The following KIF2A variants were observed in gnomAD, a reference collection of about 807,000 sequenced individuals.
KIF2A encodes kinesin-like protein KIF2A.
KIF2A carries 22 observed loss-of-function variants against 100.2 expected under a neutral mutation model. The observed-to-expected ratio is 0.22, with a 90% CI of 0.16 to 0.31. The LOEUF (loss-of-function observed/expected upper bound fraction) is 0.31, where lower values mean the gene tolerates loss of function less well. Ranked by LOEUF, KIF2A falls within the 10% of genes least tolerant of loss-of-function variation. KIF2A has a pLI of 1.00. For missense variants in KIF2A, 495 were observed against 898.7 expected, an observed-to-expected ratio of 0.55 and a Z score of 5.74; for synonymous variants, 268 against 285.9, an observed-to-expected ratio of 0.94 and a Z score of 0.63.
chr5:62,319,984 G>C (rs1292401870), intron 1 of KIF2A, among the ~76,000 whole-genome samples: 4 of 152,044 alleles, frequency 2.6e-5, no homozygotes, highest in Non-Finnish European at 5.9e-5. Context: ...AATATTACTA[G>C]CTTCTTATAT....
At chr5:62,370,498 T>C (rs1741274519) in intron 16 of KIF2A, among the ~76,000 whole-genome samples, 1 of 152,044 alleles carries the variant, frequency 6.6e-6, no homozygotes, top group African/African-American at 2.4e-5. Context: ...AGTTTCACCA[T>C]GTTGGCCAGG....
intron 15 of KIF2A, among the ~76,000 whole-genome samples, chr5:62,366,023 C>G (rs2111966827): frequency 6.6e-6 from 1 of 152,178 alleles, no homozygotes; most frequent in South Asian, 2.1e-4. Flanking sequence ...TATATCCTTT[C>G]ATTTCTTTAC....
chr5:62,349,948 A>G (rs1371998376), intron 3 of KIF2A, 118 bp from the exon 4 acceptor site: 1 of 631,932 alleles, frequency 1.6e-6, no homozygotes, highest in African/African-American at 2.0e-5. Flanking sequence ...GTTTTTCTTC[A>G]TTTTGTTTTA....
chr5:62,340,650 G>A (rs1214547763), intron 1 of KIF2A, among the ~76,000 whole-genome samples: 1 of 152,026 alleles, frequency 6.6e-6, no homozygotes, highest in Admixed American at 6.6e-5. Flanking sequence ...ATGCCTGTAT[G>A]TTGTCACCAT....
chr5:62,354,164 A>G (rs182545727), intron 6 of KIF2A, among the ~76,000 whole-genome samples: 2 of 152,260 alleles, frequency 1.3e-5, no homozygotes, highest in East Asian at 1.9e-4. Context: ...CTTTTATCTG[A>G]AAGTGACCTG....
At position 62,390,301 on chromosome 5, in the gene KIF2A, A is replaced by G. The variant is rs1469058720; in HGVS notation, c.*4732A>G. 2.0e-5 allele frequency among the ~76,000 whole-genome samples: 3 copies of G among 152,216 alleles called. No individual in the cohort carries two copies. The highest frequency in any genetic ancestry group is 7.2e-5 in the African/African-American group (3 of 41,450). On this transcript the variant is annotated 3_prime_UTR_variant, in exon 21 of 21. Coordinates refer to ENST00000407818, the MANE Select transcript of KIF2A (RefSeq NM_001098511.3). ...AAGACTTACTTGCTTAATTCAAGCA[A>G]AACAAATTTTGGTCTAAATTACCTA...
Position 62,362,439 on chromosome 5 carries a change from A to AT in KIF2A, c.1028-6dup. The AT allele has an allele frequency of 7.3e-7, 1 of 1,360,824 alleles. No homozygotes were observed. Among genetic ancestry groups the AT allele is most frequent in the Non-Finnish European group, 9.6e-7 (1 of 1,042,284 alleles). 84.3% of individuals were successfully genotyped at this position (1,360,824 alleles called of 1,614,324 possible). A position where few individuals can be genotyped will look rare whatever the true frequency, so the allele number is the denominator to read the frequency against. ...TGGATCTCAATTTTCTGTATATGAA[A>AT]TTTTTGACAGCTCGAGATGTCTTTT... On this transcript the variant is annotated splice_polypyrimidine_tract_variant and intron_variant, in intron 11 of 20. Coordinates refer to ENST00000407818, the MANE Select transcript of KIF2A (RefSeq NM_001098511.3).
intron 1 of KIF2A, among the ~76,000 whole-genome samples, chr5:62,331,963 A>C (rs370529406): frequency 6.6e-6 from 1 of 152,122 alleles, no homozygotes; most frequent in Non-Finnish European, 1.5e-5. Flanking sequence ...CTTGTAATGA[A>C]ATTTTATTAG....
intron 20 of KIF2A, among the ~76,000 whole-genome samples, chr5:62,385,123 C>CA (rs1425228111): frequency 9.0e-6 from 1 of 110,996 alleles, no homozygotes; most frequent in African/African-American, 4.3e-5. Flanking sequence ...GCTTGGGTGA[C>CA]AGAGTGAGGA....
At position 62,306,365 on chromosome 5, in the gene KIF2A, C is replaced by G. The variant is rs1745266017; in HGVS notation, c.-108C>G. 9 of 911,932 alleles carry G rather than the reference C, an allele frequency of 9.9e-6. No homozygotes were observed. The South Asian group carries it at 1.3e-4, about 13-fold the overall frequency. The allele number at this position is 911,932 out of a possible 1,614,324, so 56.5% of individuals were successfully genotyped here. A position where few individuals can be genotyped will look rare whatever the true frequency, so the allele number is the denominator to read the frequency against. Reference sequence around the variant, plus strand: ...GTTCACGCTGTCGCCCGGGCCGGCGCGGCCGCGGGCAACCGCTCCCCCTCC... The same window carrying G: ...GTTCACGCTGTCGCCCGGGCCGGCGGGGCCGCGGGCAACCGCTCCCCCTCC... On this transcript the variant is annotated 5_prime_UTR_variant, in exon 1 of 21. Transcript: ENST00000407818.
intron 2 of KIF2A, among the ~76,000 whole-genome samples, chr5:62,347,787 C>A (rs886960457): frequency 4.0e-5 from 6 of 151,872 alleles, no homozygotes; most frequent in Admixed American, 1.3e-4. Flanking sequence ...CCACACCTGG[C>A]TAATTTTTGT....
intron 1 of KIF2A, among the ~76,000 whole-genome samples, chr5:62,310,254 A>G (rs1414966743): frequency 6.6e-6 from 1 of 151,886 alleles, no homozygotes; most frequent in Non-Finnish European, 1.5e-5. Context: ...GGTTTTTGCC[A>G]CGTTGGCCAG....
intron 1 of KIF2A, among the ~76,000 whole-genome samples, chr5:62,334,234 C>T (rs1346339877): frequency 6.6e-6 from 1 of 151,904 alleles, no homozygotes; most frequent in Non-Finnish European, 1.5e-5. Flanking sequence ...CAATTTGACT[C>T]ACATCATGAC....
intron 1 of KIF2A, among the ~76,000 whole-genome samples, chr5:62,313,425 T>C (rs934635107): frequency 2.0e-5 from 3 of 152,126 alleles, no homozygotes; most frequent in Non-Finnish European, 4.4e-5. Flanking sequence ...TGATCTCGGC[T>C]CACTGCAACC....
intron 11 of KIF2A, 108 bp downstream of exon 11, chr5:62,361,637 ACTGT>A (rs2111954637): frequency 7.6e-6 from 5 of 653,712 alleles, no homozygotes; most frequent in Admixed American, 2.7e-5. Context: ...TGCTATATTA[ACTGT>A]CTATTATGTC....
intron 1 of KIF2A, among the ~76,000 whole-genome samples, chr5:62,346,664 C>T (rs1448761395): frequency 6.6e-6 from 1 of 152,108 alleles, no homozygotes; most frequent in Non-Finnish European, 1.5e-5. Flanking sequence ...CACTTGAACC[C>T]AGGAGGCAGA....
chr5:62,332,974 G>A (rs910717672), intron 1 of KIF2A, among the ~76,000 whole-genome samples: 1 of 152,178 alleles, frequency 6.6e-6, no homozygotes, highest in African/African-American at 2.4e-5. Flanking sequence ...CAAGCAAACT[G>A]TGTTAGTAAA....
intron 18 of KIF2A, among the ~76,000 whole-genome samples, chr5:62,376,704 A>C (rs1313446071): frequency 6.6e-6 from 1 of 151,888 alleles, no homozygotes; most frequent in Non-Finnish European, 1.5e-5. Context: ...TACAGGAGTG[A>C]GCCACCACAC....
chr5:62,352,392 TCTTTTAG>T (rs1443710130), intron 4 of KIF2A, among the ~76,000 whole-genome samples, 189 bp from the exon 5 acceptor site: 6 of 152,074 alleles, frequency 3.9e-5, no homozygotes, highest in Admixed American at 2.6e-4. Context: ...TTTGAAAGCC[TCTTTTAG>T]CTTATGTCAG....
Sources: gnomAD v4.1 joint callset for allele counts (sites outside exome capture counted in the v4.1 genomes callset) on GRCh38, gnomAD v4.1.1 for gene constraint, MANE v1.5 for transcripts, NCBI Gene and HGNC (gene_info 2026-07-23, HGNC 2026-07-21) for gene names.